RARB: variants seen among roughly 807,000 people sequenced by gnomAD.
RARB encodes the protein HBV-activated protein.
A neutral mutation model predicts 51.9 loss-of-function variants in RARB; 17 were observed. The ratio of observed to expected loss-of-function variants is 0.33; its 90% CI spans 0.22 to 0.49. RARB has a LOEUF of 0.49. Ranked by LOEUF, RARB falls within the 20% of genes least tolerant of loss-of-function variation. RARB has a pLI of 0.99. For synonymous variants in RARB, 215 were observed against 195.4 expected (o/e 1.10, Z -0.84); for missense variants, 369 against 550.8 (o/e 0.67, Z 3.30).
At chr3:25,531,176 C>T (rs772919264) in intron 3 of RARB, among the ~76,000 whole-genome samples, 2 of 152,086 alleles carry the variant, frequency 1.3e-5, no homozygotes, top group Non-Finnish European at 2.9e-5. Flanking sequence ...AGAGTTATCT[C>T]AATCCCAATA....
chr3:25,561,228 G>A (rs1043465250), intron 3 of RARB, among the ~76,000 whole-genome samples: 1 of 152,178 alleles, frequency 6.6e-6, no homozygotes, highest in African/African-American at 2.4e-5. Context: ...ACAGATGTGG[G>A]TGGGATCTTT....
intron 2 of RARB, among the ~76,000 whole-genome samples, chr3:25,035,575 G>A (rs59800120): frequency 6.6e-6 from 1 of 152,026 alleles, no homozygotes; most frequent in Non-Finnish European, 1.5e-5. Context: ...GAATCTCTTA[G>A]AACTTGAGAG....
chr3:25,084,850 G>A (rs1273728032), intron 3 of RARB, among the ~76,000 whole-genome samples: 3 of 151,412 alleles, frequency 2.0e-5, no homozygotes, highest in Non-Finnish European at 4.4e-5. Flanking sequence ...TTTATTTTGA[G>A]TACATTTTAA....
chr3:25,112,148 C>G (rs139753057), intron 3 of RARB, among the ~76,000 whole-genome samples: 101 of 152,290 alleles, frequency 6.6e-4, no homozygotes, highest in African/African-American at 2.2e-3. Flanking sequence ...ATTATTGGGA[C>G]ATTGAGTAGC....
chr3:25,457,966 G>A (rs1033349935), intron 1 of RARB, among the ~76,000 whole-genome samples: 3 of 152,188 alleles, frequency 2.0e-5, no homozygotes, highest in African/African-American at 7.2e-5. Flanking sequence ...CACATGGATG[G>A]AAGTAGAAGC....
intron 2 of RARB, among the ~76,000 whole-genome samples, chr3:24,883,932 T>G (rs544491184): frequency 7.2e-5 from 11 of 152,324 alleles, no homozygotes; most frequent in African/African-American, 2.6e-4. Flanking sequence ...TATTTAATTT[T>G]CATTATTCTT....
chr3:24,964,051 A>G (rs1041912648), intron 2 of RARB, among the ~76,000 whole-genome samples: 1 of 152,074 alleles, frequency 6.6e-6, no homozygotes, highest in East Asian at 1.9e-4. Flanking sequence ...TTTGTTTTTC[A>G]TTCTCCTTGT....
chr3:25,267,028 C>T (rs934293791), intron 5 of RARB, among the ~76,000 whole-genome samples: 1 of 152,188 alleles, frequency 6.6e-6, no homozygotes, highest in African/African-American at 2.4e-5. Flanking sequence ...TCAATTTTCC[C>T]CCTTTCTAAA....
At chr3:24,905,901 T>A (rs987526421) in intron 2 of RARB, among the ~76,000 whole-genome samples, 2 of 152,202 alleles carry the variant, frequency 1.3e-5, no homozygotes, top group Non-Finnish European at 2.9e-5. Context: ...ATTTCATCCA[T>A]CGAAGTAATT....
At chr3:25,312,569 T>C (rs189360978) in intron 5 of RARB, among the ~76,000 whole-genome samples, 2 of 152,224 alleles carry the variant, frequency 1.3e-5, no homozygotes, top group African/African-American at 4.8e-5. Flanking sequence ...TGTAATTTAG[T>C]GAGTGAGAGC....
chr3:25,142,809 C>G (rs186133817), intron 4 of RARB, among the ~76,000 whole-genome samples: 2,798 of 152,174 alleles, frequency 0.018, 114 homozygotes, highest in Admixed American at 0.092. Context: ...AGTTTTACCT[C>G]GGGCTCTGTG....
chr3:25,017,745 T>C (rs1368949474), intron 2 of RARB, among the ~76,000 whole-genome samples: 1 of 152,158 alleles, frequency 6.6e-6, no homozygotes, highest in East Asian at 1.9e-4. Context: ...AATCACTTAG[T>C]TTTTAAATGG....
chr3:25,359,355 T>C (rs146823406), intron 5 of RARB, among the ~76,000 whole-genome samples: 2,698 of 152,202 alleles, frequency 0.018, 78 homozygotes, highest in African/African-American at 0.058. Flanking sequence ...ATTGTGTCTA[T>C]TTCATTCTTC....
At chr3:24,928,428 T>C (rs1695365010) in intron 2 of RARB, among the ~76,000 whole-genome samples, 1 of 152,036 alleles carries the variant, frequency 6.6e-6, no homozygotes, top group Non-Finnish European at 1.5e-5. Context: ...TGGAAAGACC[T>C]AGGTGCAGCA....
At chr3:25,012,907 A>AT (rs1231426132) in intron 2 of RARB, among the ~76,000 whole-genome samples, 1 of 152,124 alleles carries the variant, frequency 6.6e-6, no homozygotes, top group Non-Finnish European at 1.5e-5. Flanking sequence ...GGTACTTAGA[A>AT]TAGTTTCTGA....
At chr3:24,875,901 TC>T (rs532639731) in intron 2 of RARB, among the ~76,000 whole-genome samples, 83 of 152,254 alleles carry the variant, frequency 5.5e-4, no homozygotes, top group African/African-American at 1.9e-3. Flanking sequence ...TCTTTATTCC[TC>T]CCTTGTCCTT....
At chr3:25,073,882 G>A (rs904784056) in intron 3 of RARB, among the ~76,000 whole-genome samples, 1 of 151,978 alleles carries the variant, frequency 6.6e-6, no homozygotes, top group Admixed American at 6.6e-5. Context: ...TATTCAGAGT[G>A]TTTGGATTTT....
chr3:25,309,665 T>A (rs758932758), intron 5 of RARB, among the ~76,000 whole-genome samples: 4 of 151,042 alleles, frequency 2.6e-5, no homozygotes, highest in Non-Finnish European at 5.9e-5. Flanking sequence ...ACCTGGCTAA[T>A]TTTTGTATTT....
chr3:24,934,464 C>T (rs549035773), intron 2 of RARB, among the ~76,000 whole-genome samples: 5 of 152,116 alleles, frequency 3.3e-5, no homozygotes, highest in African/African-American at 9.6e-5. Flanking sequence ...AGGGATCATA[C>T]CACACACTAT....
Sources: allele counts gnomAD v4.1 joint callset (sites outside exome capture counted in the v4.1 genomes callset), GRCh38; gene constraint gnomAD v4.1.1; transcripts MANE v1.5; gene names NCBI Gene and HGNC (gene_info 2026-07-23, HGNC 2026-07-21).